The following ANO3 variants were observed in gnomAD, a reference collection of about 807,000 sequenced individuals.
ANO3 encodes anoctamin-3.
In ANO3, 99 loss-of-function variants were observed where a neutral mutation model predicts 144.8. That is an observed-to-expected ratio of 0.68 (90% CI 0.58 to 0.81). The LOEUF (loss-of-function observed/expected upper bound fraction) is 0.81, where lower values mean the gene tolerates loss of function less well. Among genes scored for constraint, ANO3 ranks in the 30% least tolerant of loss-of-function variants. The pLI is 0.00. For missense variants in ANO3, 905 were observed against 1,202.2 expected, an observed-to-expected ratio of 0.75 and a Z score of 3.66; for synonymous variants, 414 against 392.6, an observed-to-expected ratio of 1.05 and a Z score of -0.64.
At chr11:26,592,350 A>G in intron 14 of ANO3, among the ~76,000 whole-genome samples, 1 of 151,900 alleles carries the variant, frequency 6.6e-6, no homozygotes, top group East Asian at 1.9e-4. Flanking sequence ...TGTAAGTGAT[A>G]TTGTATGCCT....
chr11:26,300,855 CTTTT>C (rs376885670), intron 1 of ANO3, among the ~76,000 whole-genome samples: 2,640 of 128,352 alleles, frequency 0.021, 27 homozygotes, highest in East Asian at 0.099. Context: ...TCTTTTTTTT[CTTTT>C]TTTTTTTTTT....
At chr11:26,362,383 G>T (rs1855950974) in intron 1 of ANO3, among the ~76,000 whole-genome samples, 1 of 152,116 alleles carries the variant, frequency 6.6e-6, no homozygotes, top group South Asian at 2.1e-4. Flanking sequence ...AGTTCGGATT[G>T]TTCTTTATGG....
chr11:26,599,728 A>G lies in ANO3; in HGVS notation c.1836+14A>G. On this transcript the variant is annotated intron_variant, in intron 17 of 26. Transcript: ENST00000256737. Reference sequence around the variant, plus strand: ...TTGCTGAATCTTGTAAGTGTCTATAATGTTATTCTTCAGTAGACAAAAAAG... The same window carrying G: ...TTGCTGAATCTTGTAAGTGTCTATAGTGTTATTCTTCAGTAGACAAAAAAG... 3 of 1,608,458 alleles carry G rather than the reference A, an allele frequency of 1.9e-6. No individual in the cohort carries two copies. The highest frequency in any genetic ancestry group is 4.5e-5 in the East Asian group (2 of 44,780).
chr11:26,635,801 T>C (rs541401190), intron 20 of ANO3, among the ~76,000 whole-genome samples: 33 of 152,356 alleles, frequency 2.2e-4, no homozygotes, highest in Middle Eastern at 3.4e-3. Context: ...ATAACAAATA[T>C]TTTATCTTTG....
chr11:26,383,966 T>C (rs7952144), intron 1 of ANO3, among the ~76,000 whole-genome samples: 133,060 of 142,942 alleles, frequency 0.93, 62,095 homozygotes, highest in East Asian at 1. Context: ...GGTGCGATCT[T>C]GGCTCACTGC....
chr11:26,480,311 A>G (rs1178107867), intron 4 of ANO3, among the ~76,000 whole-genome samples: 1 of 152,170 alleles, frequency 6.6e-6, no homozygotes, highest in Non-Finnish European at 1.5e-5. Flanking sequence ...TCACCAGTTC[A>G]CTGGTCTTCC....
rs551442849 is a variant in ANO3, at chr11:26,607,004, A to T, written c.1836+7290A>T. Among the ~76,000 whole-genome samples the T allele has an allele frequency of 2.0e-5, 3 of 152,222 alleles. No individual in the cohort carries two copies. In the East Asian group the frequency reaches 5.8e-4, roughly 29 times the overall value. ...CTCAACATTTGCTTGTCTGGAAAGGATTTTATTTCTCCTTTGCTTATGAAG... is the reference window on the plus strand; with the variant it reads ...CTCAACATTTGCTTGTCTGGAAAGGTTTTTATTTCTCCTTTGCTTATGAAG... On this transcript the variant is annotated intron_variant, in intron 17 of 26. Coordinates refer to ENST00000256737, the MANE Select transcript of ANO3 (RefSeq NM_031418.4).
At chr11:26,547,594 T>C in intron 12 of ANO3, 44 bp downstream of exon 12, 1 of 1,563,768 alleles carries the variant, frequency 6.4e-7, no homozygotes, top group Non-Finnish European at 8.8e-7. Flanking sequence ...GCTTGTCTTC[T>C]GAATGGGCAA....
chr11:26,642,104 A>T, intron 22 of ANO3, 75 bp downstream of exon 22: 1 of 1,518,442 alleles, frequency 6.6e-7, no homozygotes, highest in Non-Finnish European at 8.9e-7. Context: ...CTTTGGTTCA[A>T]CAGAGAAAAT....
chr11:26,298,743 TG>T (rs1854150101), intron 1 of ANO3, among the ~76,000 whole-genome samples: 2 of 152,146 alleles, frequency 1.3e-5, no homozygotes, highest in Non-Finnish European at 2.9e-5. Flanking sequence ...CAATAGATGG[TG>T]GCAGTGGAGA....
intron 17 of ANO3, among the ~76,000 whole-genome samples, chr11:26,620,237 G>A (rs61878606): frequency 0.14 from 20,704 of 152,106 alleles, 1,728 homozygotes; most frequent in South Asian, 0.18. Context: ...TTCCAAAAAT[G>A]TATATTCTTG....
intron 1 of ANO3, among the ~76,000 whole-genome samples, chr11:26,260,216 G>C (rs1181967045): frequency 1.3e-5 from 2 of 151,984 alleles, no homozygotes; most frequent in Non-Finnish European, 2.9e-5. Flanking sequence ...ACTATTCTGT[G>C]GCTGAGCCAG....
chr11:26,404,073 T>G (rs1375445059), intron 1 of ANO3, among the ~76,000 whole-genome samples: 1 of 151,868 alleles, frequency 6.6e-6, no homozygotes. Context: ...ATGCATTTAT[T>G]GACAGTTTTT....
intron 14 of ANO3, among the ~76,000 whole-genome samples, chr11:26,592,919 G>T (rs2132900148): frequency 1.3e-5 from 2 of 152,138 alleles, no homozygotes; most frequent in Middle Eastern, 6.8e-3. Flanking sequence ...GCTGAGTACT[G>T]GGGCTTGGTT....
chr11:26,231,329 G>C (rs941508338), intron 1 of ANO3, among the ~76,000 whole-genome samples: 1 of 152,174 alleles, frequency 6.6e-6, no homozygotes, highest in Non-Finnish European at 1.5e-5. Flanking sequence ...GAGTGGCCAA[G>C]CTCTGTGAGA....
chr11:26,502,004 C>A (rs1861216058), intron 4 of ANO3, among the ~76,000 whole-genome samples: 1 of 152,044 alleles, frequency 6.6e-6, no homozygotes, highest in Non-Finnish European at 1.5e-5. Flanking sequence ...TCTTTTACTG[C>A]ACTTTGTGTT....
At chr11:26,583,275 T>G (rs189587082) in intron 14 of ANO3, among the ~76,000 whole-genome samples, 1 of 152,350 alleles carries the variant, frequency 6.6e-6, no homozygotes, top group East Asian at 1.9e-4. Context: ...ATGTCAAGTC[T>G]GATTTCAGAA....
Position 26,360,186 on chromosome 11 carries a change from CT to C in ANO3, c.46+27874del, listed in dbSNP as rs1197560176. ...CACTGCTTCCCCCAACCCCCCCGCC[CT>C]TTTTTTTTCCACTTACTGCATTGCT... On this transcript the variant is annotated intron_variant, in intron 1 of 26. Coordinates refer to ENST00000256737, the MANE Select transcript of ANO3 (RefSeq NM_031418.4). Among the ~76,000 whole-genome samples, 421 of 115,566 alleles carry C rather than the reference CT, an allele frequency of 3.6e-3. 2 individuals are homozygous for C. The highest frequency in any genetic ancestry group is 0.015 in the East Asian group (49 of 3,270). 75.8% of individuals were successfully genotyped at this position (115,566 alleles called of 152,430 possible).
chr11:26,421,051 T>A (rs1183013990), intron 1 of ANO3, among the ~76,000 whole-genome samples: 1 of 152,020 alleles, frequency 6.6e-6, no homozygotes, highest in African/African-American at 2.4e-5. Flanking sequence ...GACACAAGTT[T>A]CTAAGTCCTT....
Sources: allele counts gnomAD v4.1 joint callset (sites outside exome capture counted in the v4.1 genomes callset), GRCh38; gene constraint gnomAD v4.1.1; transcripts MANE v1.5; gene names NCBI Gene and HGNC (gene_info 2026-07-23, HGNC 2026-07-21).